Variants in ZNF469 observed in about 807,000 individuals in gnomAD.
ZNF469 encodes zinc finger protein 469.
Under a neutral mutation model 1.0 loss-of-function variants are expected in ZNF469, and 1 was observed. The ratio of observed to expected loss-of-function variants is 1.00; its 90% CI spans 0.35 to 4.73. The LOEUF is 4.73. ZNF469 is among the 30% of genes most tolerant of loss of function. The pLI, the probability that ZNF469 is intolerant of heterozygous loss-of-function variation, is 0.16. For synonymous variants in ZNF469, 2,703 were observed against 2,363.4 expected (o/e 1.14, Z -4.17); for missense variants, 6,100 against 5,356.3 (o/e 1.14, Z -4.33).
the ZNF469 span, among the ~76,000 whole-genome samples, chr16:88,349,049 C>T: frequency 6.6e-6 from 1 of 152,176 alleles, no homozygotes; most frequent in African/African-American, 2.4e-5. Context: ...TGACCATTTC[C>T]ATCGCTTTAC....
chr16:88,312,309 C>T, the ZNF469 span, among the ~76,000 whole-genome samples: 2 of 152,234 alleles, frequency 1.3e-5, no homozygotes, highest in Non-Finnish European at 2.9e-5. Flanking sequence ...TCCCAGGAGG[C>T]TCAGCCTGTT....
chr16:88,260,976 C>G, the ZNF469 span, among the ~76,000 whole-genome samples: 1 of 152,166 alleles, frequency 6.6e-6, no homozygotes, highest in African/African-American at 2.4e-5. The surrounding 1 kb of genome is among the most constrained non-coding windows in gnomAD (Gnocchi z 4.1). Context: ...CCTGCAGCCC[C>G]AGGAAGACAG....
chr16:88,330,501 C>G, the ZNF469 span, among the ~76,000 whole-genome samples: 1 of 152,250 alleles, frequency 6.6e-6, no homozygotes. Flanking sequence ...GCGTGAGCAA[C>G]AGTCACAAAA....
the ZNF469 span, among the ~76,000 whole-genome samples, chr16:88,143,210 G>A: frequency 6.6e-6 from 1 of 152,220 alleles, no homozygotes; most frequent in African/African-American, 2.4e-5. Flanking sequence ...AGGGGCAAGT[G>A]CTTGATCGTT....
chr16:88,416,896 C>T (rs1182908969), intron 1 of ZNF469, among the ~76,000 whole-genome samples: 1 of 152,202 alleles, frequency 6.6e-6, no homozygotes, highest in Non-Finnish European at 1.5e-5. Flanking sequence ...GAGCAGGGGC[C>T]TGTCCTGCGG....
chr16:88,301,362 G>A, the ZNF469 span, among the ~76,000 whole-genome samples: 1 of 152,084 alleles, frequency 6.6e-6, no homozygotes, highest in East Asian at 1.9e-4. Flanking sequence ...CACCATGTTA[G>A]CCAGGATGGT....
At position 88,428,559 on chromosome 16, in the gene ZNF469, G is replaced by A. The variant is rs776451293; in HGVS notation, c.1089G>A (p.Ser363=). 1.4e-5 allele frequency: 21 copies of A among 1,550,016 alleles called. No homozygotes were observed. The highest frequency in any genetic ancestry group is 1.7e-4 in the Middle Eastern group (1 of 6,014). Residue 363 remains serine, a synonymous_variant, in exon 3 of 3, where the codon TCG becomes TCA. Coordinates refer to ENST00000565624, the MANE Select transcript of ZNF469 (RefSeq NM_001367624.2). ...TCTCTTCCCCTGGAGCTGCTCACTC[G>A]GCCCCGAGACCCTTCTCTGACAGTT... ...GALSSPGAAH[S]APRPFSDSLH...
chr16:88,430,926 C>T lies in ZNF469; in HGVS notation c.3456C>T (p.Pro1152=), dbSNP rs1234417599. 1.3e-6 allele frequency: 2 copies of T among 1,536,330 alleles called. No individual in the cohort carries two copies. Among genetic ancestry groups the T allele is most frequent in the Non-Finnish European group, 1.7e-6 (2 of 1,145,402 alleles). The change falls in exon 3 of 3, where the codon CCC becomes CCT. Residue 1152 remains proline, a synonymous_variant. Transcript: ENST00000565624. Reference sequence around the variant, plus strand: ...AGGAAGCCGGCGGGGACGGAGCCCCCGCGAACCCCGAGGAGCCGGGCGGGT... The same window carrying T: ...AGGAAGCCGGCGGGGACGGAGCCCCTGCGAACCCCGAGGAGCCGGGCGGGT... ...ARQEAGGDGA[P]ANPEEPGGSR... is the part of the protein sequence containing the mutation.
the ZNF469 span, among the ~76,000 whole-genome samples, chr16:88,242,491 G>T: frequency 1.3e-5 from 2 of 152,150 alleles, no homozygotes; most frequent in South Asian, 4.2e-4. Flanking sequence ...ACACCAGGCA[G>T]ATTGGACTGG....
chr16:88,347,356 C>T, the ZNF469 span, among the ~76,000 whole-genome samples: 9 of 152,124 alleles, frequency 5.9e-5, no homozygotes, highest in East Asian at 1.9e-4. Context: ...GTCATTAGGC[C>T]GGGTCCTAAT....
the ZNF469 span, among the ~76,000 whole-genome samples, chr16:88,143,797 C>G: frequency 1.3e-5 from 2 of 152,246 alleles, no homozygotes; most frequent in Non-Finnish European, 2.9e-5. Flanking sequence ...CGGCCCCTGC[C>G]TGTGTCCTCC....
chr16:88,259,187 C>T, the ZNF469 span, among the ~76,000 whole-genome samples: 24 of 152,318 alleles, frequency 1.6e-4, no homozygotes, highest in African/African-American at 5.3e-4. This position sits in a 1 kb window ranked among gnomAD's most constrained non-coding sequence, Gnocchi z 4.1. Flanking sequence ...GGCCAGGCCT[C>T]GCGGCCACCC....
the ZNF469 span, among the ~76,000 whole-genome samples, chr16:88,110,361 T>G: frequency 6.6e-6 from 1 of 152,374 alleles, no homozygotes; most frequent in Admixed American, 6.5e-5. Context: ...CTGCTCCCGC[T>G]CACGCCGGAC....
chr16:88,413,792 G>A (rs1361349438), intron 1 of ZNF469, among the ~76,000 whole-genome samples: 1 of 152,190 alleles, frequency 6.6e-6, no homozygotes, highest in Non-Finnish European at 1.5e-5. Context: ...CAGGGCCTGG[G>A]CAGTGCCACA....
the ZNF469 span, among the ~76,000 whole-genome samples, chr16:88,221,930 T>A: frequency 6.6e-6 from 1 of 152,066 alleles, no homozygotes; most frequent in Non-Finnish European, 1.5e-5. Flanking sequence ...TTCAGAACAA[T>A]CTCATCGCTA....
chr16:88,320,712 G>T, the ZNF469 span, among the ~76,000 whole-genome samples: 2 of 152,132 alleles, frequency 1.3e-5, no homozygotes, highest in African/African-American at 4.8e-5. Context: ...CAGGTATGTT[G>T]GTCTTGAACT....
At chr16:88,259,402 C>T in the ZNF469 span, among the ~76,000 whole-genome samples, 1 of 152,232 alleles carries the variant, frequency 6.6e-6, no homozygotes, top group Non-Finnish European at 1.5e-5. The surrounding 1 kb of genome is among the most constrained non-coding windows in gnomAD (Gnocchi z 4.1). Flanking sequence ...TTGTTTCCAG[C>T]CGGGCTGCTC....
the ZNF469 span, among the ~76,000 whole-genome samples, chr16:88,337,468 C>T: frequency 1.3e-5 from 2 of 152,226 alleles, no homozygotes; most frequent in Non-Finnish European, 2.9e-5. Flanking sequence ...TCGGGTATGT[C>T]TTTATCAGCA....
chr16:88,336,223 T>A, the ZNF469 span, among the ~76,000 whole-genome samples: 454 of 149,488 alleles, frequency 3.0e-3, 2 homozygotes, highest in African/African-American at 0.011. Flanking sequence ...ACCACGCACG[T>A]TCATCCTTCA....
Sources: allele counts gnomAD v4.1 joint callset (sites outside exome capture counted in the v4.1 genomes callset), GRCh38; gene constraint gnomAD v4.1.1; non-coding constraint Gnocchi (gnomAD v3.1); transcripts MANE v1.5; gene names NCBI Gene and HGNC (gene_info 2026-07-23, HGNC 2026-07-21).